DOCK1: variants seen among roughly 807,000 people sequenced by gnomAD.
DOCK1 encodes the protein dedicator of cytokinesis protein 1.
DOCK1 carries 138 observed loss-of-function variants against 262.7 expected under a neutral mutation model. The observed-to-expected ratio is 0.53, with a 90% confidence interval of 0.46 to 0.61. The LOEUF is 0.61. Among genes scored for constraint, DOCK1 ranks in the 20% least tolerant of loss-of-function variants. DOCK1 has a pLI of 0.00. For missense variants in DOCK1, 1,908 were observed against 2,370.7 expected (o/e 0.80, Z 4.05); for synonymous variants, 866 against 867.4 (o/e 1.00, Z 0.03).
At chr10:127,410,336 T>G (rs1329693955) in intron 42 of DOCK1, among the ~76,000 whole-genome samples, 4 of 152,162 alleles carry the variant, frequency 2.6e-5, no homozygotes, top group African/African-American at 9.7e-5. Flanking sequence ...TGCATTTCAG[T>G]GCAGGGGAGA....
chr10:127,348,246 C>A (rs1310878451), intron 31 of DOCK1, among the ~76,000 whole-genome samples: 2 of 152,016 alleles, frequency 1.3e-5, no homozygotes, highest in East Asian at 3.9e-4. Context: ...CAAGGAAGGA[C>A]AGAGATGTCA....
intron 29 of DOCK1, among the ~76,000 whole-genome samples, chr10:127,326,323 A>T (rs1226405991): frequency 6.6e-6 from 1 of 152,222 alleles, no homozygotes; most frequent in Non-Finnish European, 1.5e-5. Flanking sequence ...AATCTTCTCA[A>T]ACTCGGCCAA....
rs2044292348 is a variant in DOCK1 at position 127,045,577 on chromosome 10, T to C, written c.2201+2413T>C. On this transcript the variant is annotated intron_variant, in intron 21 of 51. Transcript: ENST00000623213. ...CATGTAGCCTCTCTCCTTTGGTAAA[T>C]GTTGAGATCTTTAGCCCTTCTTCCC... Among the ~76,000 whole-genome samples the C allele has an allele frequency of 2.0e-5, 3 of 152,186 alleles. No homozygotes were observed. The South Asian group carries it at 6.2e-4, about 31-fold the overall frequency.
intron 29 of DOCK1, among the ~76,000 whole-genome samples, chr10:127,323,417 T>C (rs1423400703): frequency 1.3e-5 from 2 of 152,172 alleles, no homozygotes; most frequent in African/African-American, 4.8e-5. Context: ...TTGTGGTTCC[T>C]TTCAGCCAAT....
intron 33 of DOCK1, among the ~76,000 whole-genome samples, chr10:127,363,764 T>C (rs1245844257): frequency 1.3e-5 from 2 of 152,210 alleles, no homozygotes; most frequent in Non-Finnish European, 2.9e-5. Context: ...ATGATTTTGC[T>C]GTTTCCTAGA....
intron 24 of DOCK1, among the ~76,000 whole-genome samples, chr10:127,106,996 T>G (rs928866696): frequency 6.6e-6 from 1 of 152,146 alleles, no homozygotes; most frequent in African/African-American, 2.4e-5. Flanking sequence ...CTCACTCTGT[T>G]GCCCAGGCTG....
chr10:127,043,081 G>T lies in DOCK1; in HGVS notation c.2118G>T (p.Leu706=). The change falls in exon 21 of 52, where the codon CTG becomes CTT. Residue 706 remains leucine (L), a synonymous_variant. Coordinates refer to ENST00000623213, the MANE Select transcript of DOCK1 (RefSeq NM_001290223.2). ...VFDALVFIIG[L]IADRKFQHFN... ...TTTGACAGGTATTTATCATTGGACTGATTGCTGATAGAAAATTTCAGCATT... is the reference window on the plus strand; with the variant it reads ...TTTGACAGGTATTTATCATTGGACTTATTGCTGATAGAAAATTTCAGCATT... 1 of 1,608,048 alleles carries T rather than the reference G, an allele frequency of 6.2e-7. No individual in the cohort carries two copies. Among genetic ancestry groups the T allele is most frequent in the African/African-American group, 1.3e-5 (1 of 74,982 alleles).
intron 29 of DOCK1, among the ~76,000 whole-genome samples, chr10:127,295,494 C>T (rs952428616): frequency 4.6e-5 from 7 of 152,152 alleles, no homozygotes; most frequent in Admixed American, 4.6e-4. Context: ...GGGGACAAAA[C>T]GTCCAAACCA....
At chr10:127,280,945 T>A (rs147238261) in intron 29 of DOCK1, among the ~76,000 whole-genome samples, 67 of 152,336 alleles carry the variant, frequency 4.4e-4, no homozygotes, top group African/African-American at 1.6e-3. Flanking sequence ...TTCCTTGAGT[T>A]AGCAAATCAC....
At chr10:127,209,664 C>T (rs2483863) in intron 27 of DOCK1, among the ~76,000 whole-genome samples, 152,162 of 152,346 alleles carry the variant, frequency 1, 75,989 homozygotes, top group Non-Finnish European at 1. Flanking sequence ...ATTTGAAAAA[C>T]GGACAAGTAG....
intron 1 of DOCK1, among the ~76,000 whole-genome samples, chr10:126,916,669 C>T (rs1316980222): frequency 6.6e-6 from 1 of 151,836 alleles, no homozygotes; most frequent in African/African-American, 2.4e-5. Context: ...TCCTTTCTTC[C>T]TCCCCTCCTT....
chr10:127,040,025 A>G (rs889077675), intron 19 of DOCK1, among the ~76,000 whole-genome samples: 1 of 151,726 alleles, frequency 6.6e-6, no homozygotes, highest in African/African-American at 2.4e-5. Flanking sequence ...GTGCAGCTCC[A>G]TCTCCCTGTG....
intron 3 of DOCK1, among the ~76,000 whole-genome samples, chr10:126,978,244 C>A (rs1303905604): frequency 1.3e-5 from 2 of 152,168 alleles, no homozygotes; most frequent in Non-Finnish European, 2.9e-5. Context: ...GTCTTCTGTT[C>A]ATGAATTTTG....
At chr10:126,917,971 A>G (rs1416998430) in intron 1 of DOCK1, among the ~76,000 whole-genome samples, 3 of 152,208 alleles carry the variant, frequency 2.0e-5, no homozygotes, top group African/African-American at 2.4e-5. Context: ...TTAGCCAGGC[A>G]TAGTTAGGAG....
At chr10:127,122,600 G>A (rs2049667691) in intron 25 of DOCK1, among the ~76,000 whole-genome samples, 1 of 151,384 alleles carries the variant, frequency 6.6e-6, no homozygotes, top group South Asian at 2.1e-4. Flanking sequence ...GGTGCAGTTG[G>A]ATTCTGGTCT....
chr10:127,440,318 C>T (rs900270138), intron 49 of DOCK1, among the ~76,000 whole-genome samples: 4 of 152,278 alleles, frequency 2.6e-5, no homozygotes, highest in Admixed American at 1.3e-4. Flanking sequence ...CCACTGGCCG[C>T]ACCCCCAACA....
At chr10:126,919,870 T>C (rs528750199) in intron 1 of DOCK1, among the ~76,000 whole-genome samples, 1 of 152,322 alleles carries the variant, frequency 6.6e-6, no homozygotes, top group East Asian at 1.9e-4. Context: ...TTGCCGTACA[T>C]TGAATGAAGG....
At chr10:127,380,402 T>G (rs1214422747) in intron 36 of DOCK1, among the ~76,000 whole-genome samples, 2 of 152,306 alleles carry the variant, frequency 1.3e-5, no homozygotes, top group East Asian at 1.9e-4. Context: ...CCAACTCATG[T>G]GGCCCTTTTG....
At chr10:127,075,052 C>G (rs535216098) in intron 23 of DOCK1, among the ~76,000 whole-genome samples, 1 of 151,490 alleles carries the variant, frequency 6.6e-6, no homozygotes, top group Non-Finnish European at 1.5e-5. Context: ...GCCTGTAGTC[C>G]CAGCTACTTG....
Sources: gnomAD v4.1 joint callset for allele counts (sites outside exome capture counted in the v4.1 genomes callset) on GRCh38, gnomAD v4.1.1 for gene constraint, MANE v1.5 for transcripts, NCBI Gene and HGNC (gene_info 2026-07-23, HGNC 2026-07-21) for gene names.